PCBP2: variants seen among roughly 807,000 people sequenced by gnomAD.
PCBP2 encodes the protein poly(rC)-binding protein 2.
PCBP2 carries 4 observed loss-of-function variants against 50.1 expected under a neutral mutation model. The ratio of observed to expected loss-of-function variants is 0.08; its 90% CI spans 0.04 to 0.18. PCBP2 has a LOEUF of 0.18. Among genes scored for constraint, PCBP2 ranks in the 10% least tolerant of loss-of-function variants. The pLI is 1.00. For missense variants in PCBP2, 161 were observed against 474.3 expected, an observed-to-expected ratio of 0.34 and a Z score of 6.14; for synonymous variants, 179 against 168.0, an observed-to-expected ratio of 1.07 and a Z score of -0.51.
In PCBP2 at chr12:53,480,177, TG is replaced by T. The variant is rs1942962656; in HGVS notation, c.*738del. 6.6e-6 allele frequency: 1 copy of T among 152,232 alleles called. No individual in the cohort carries two copies. Among genetic ancestry groups the T allele is most frequent in the Non-Finnish European group, 1.5e-5 (1 of 68,026 alleles). The allele number at this position is 152,232 out of a possible 1,614,324, so 9.4% of individuals were successfully genotyped here. A position where few individuals can be genotyped will look rare whatever the true frequency, so the allele number is the denominator to read the frequency against. ...TTAAGCAGTTGATCATATGTCTGACTGGGTTCCAGTTTCTTGGGAATGTTGG... is the reference window on the plus strand; with the variant it reads ...TTAAGCAGTTGATCATATGTCTGACTGGTTCCAGTTTCTTGGGAATGTTGG... On this transcript the variant is annotated 3_prime_UTR_variant, in exon 15 of 15. Coordinates refer to ENST00000546463, the MANE Select transcript of PCBP2 (RefSeq NM_031989.5).
intron 1 of PCBP2, among the ~76,000 whole-genome samples, 178 bp downstream of exon 1, chr12:53,452,554 C>T (rs1455260413): frequency 2.0e-5 from 3 of 151,462 alleles, no homozygotes; most frequent in African/African-American, 7.3e-5. Flanking sequence ...CTGGCGCGGC[C>T]TAGTAGGCCT....
At chr12:53,470,401 A>AGAGTGT in intron 13 of PCBP2, among the ~76,000 whole-genome samples, 1 of 104,854 alleles carries the variant, frequency 9.5e-6, no homozygotes, top group South Asian at 3.6e-4. Context: ...AAAAAAAAAA[A>AGAGTGT]AGTGTAGTGG....
chr12:53,465,994 T>C (rs747172537), intron 10 of PCBP2, 21 bp downstream of exon 10: 1 of 1,612,282 alleles, frequency 6.2e-7, no homozygotes, highest in South Asian at 1.1e-5. Context: ...TTTTCACTTC[T>C]TGTTTTGAAA....
At chr12:53,462,668 C>A in intron 8 of PCBP2, 101 bp downstream of exon 8, 2 of 851,764 alleles carry the variant, frequency 2.3e-6, no homozygotes, top group Non-Finnish European at 3.7e-6. Context: ...CTTGCTGAAA[C>A]CTATACTCTG....
chr12:53,459,540 A>AATC, intron 6 of PCBP2, 137 bp downstream of exon 6: 1 of 605,712 alleles, frequency 1.7e-6, no homozygotes, highest in Non-Finnish European at 2.7e-6. Context: ...ATGTGATTGT[A>AATC]CTGAAAATAA....
chr12:53,470,334 G>A (rs1200433601), intron 13 of PCBP2, among the ~76,000 whole-genome samples: 1 of 130,518 alleles, frequency 7.7e-6, no homozygotes, highest in Non-Finnish European at 1.5e-5. Flanking sequence ...CCAAGATCGT[G>A]CCACTGCACT....
chr12:53,454,949 C>A (rs569361640), intron 2 of PCBP2, 80 bp downstream of exon 2: 1 of 1,179,262 alleles, frequency 8.5e-7, no homozygotes, highest in East Asian at 2.3e-5. Context: ...TCTTGGAGCT[C>A]ATCAGATTAG....
chr12:53,460,802 C>T (rs1384020842), intron 6 of PCBP2: 1 of 456,930 alleles, frequency 2.2e-6, no homozygotes, highest in African/African-American at 2.0e-5. Flanking sequence ...GTTATTCACG[C>T]TTATTCTTGT....
intron 6 of PCBP2, 136 bp from the exon 7 acceptor site, chr12:53,460,879 T>A (rs1022925580): frequency 5.6e-6 from 5 of 890,198 alleles, no homozygotes; most frequent in African/African-American, 5.0e-5. Flanking sequence ...AAGGGAAGAG[T>A]GGGACAAAGA....
At chr12:53,465,419 G>GCTA (rs1334476357) in intron 9 of PCBP2, among the ~76,000 whole-genome samples, 2 of 152,164 alleles carry the variant, frequency 1.3e-5, no homozygotes, top group African/African-American at 4.8e-5. Flanking sequence ...TAGGGACTCA[G>GCTA]CTAGCATCCA....
intron 11 of PCBP2, 95 bp from the exon 12 acceptor site, chr12:53,467,710 T>G: frequency 1.0e-6 from 1 of 976,400 alleles, no homozygotes; most frequent in Non-Finnish European, 1.6e-6. Context: ...TGTTTTTATT[T>G]TGTTTCGTTT....
chr12:53,479,045 A>C (rs1942866946), intron 14 of PCBP2, among the ~76,000 whole-genome samples: 1 of 152,078 alleles, frequency 6.6e-6, no homozygotes, highest in Non-Finnish European at 1.5e-5. Flanking sequence ...GGAGGAGCCA[A>C]AGTGAGCTCA....
intron 10 of PCBP2, among the ~76,000 whole-genome samples, chr12:53,466,555 T>C (rs1167000610): frequency 6.6e-6 from 1 of 152,228 alleles, no homozygotes; most frequent in Non-Finnish European, 1.5e-5. Flanking sequence ...ACTTTTCTTT[T>C]ATCCTTACTA....
chr12:53,468,939 A>G (rs1308335864), intron 13 of PCBP2, 107 bp downstream of exon 13: 2 of 790,200 alleles, frequency 2.5e-6, no homozygotes, highest in Non-Finnish European at 4.1e-6. Context: ...TTTTTTTTAA[A>G]CAGCCCAGGC....
chr12:53,460,851 A>G (rs942728132), intron 6 of PCBP2, 164 bp from the exon 7 acceptor site: 1 of 658,802 alleles, frequency 1.5e-6, no homozygotes, highest in Non-Finnish European at 2.5e-6. Context: ...TAATTCACTA[A>G]ACAGTCCTAT....
intron 9 of PCBP2, 44 bp downstream of exon 9, chr12:53,464,896 G>T: frequency 6.4e-7 from 1 of 1,551,638 alleles, no homozygotes; most frequent in Non-Finnish European, 8.7e-7. Flanking sequence ...CAATCCTTCC[G>T]CCTCAGCCGA....
rs1448745686 is a variant in PCBP2, at chr12:53,480,454, TG to T, written c.*1014del. The T allele has an allele frequency of 7.2e-5, 11 of 152,594 alleles. No homozygotes were observed. Among genetic ancestry groups the T allele is most frequent in the Admixed American group, 7.2e-4 (11 of 15,268 alleles). The allele number at this position is 152,594 out of a possible 1,614,324, so 9.5% of individuals were successfully genotyped here. A position where few individuals can be genotyped will look rare whatever the true frequency, so the allele number is the denominator to read the frequency against. ...CCCAAGGCTTTATCTTAACCATGTA[TG>T]GTACCCCATTCATTCATCAAGAAAA... On this transcript the variant is annotated 3_prime_UTR_variant, in exon 15 of 15. Coordinates refer to ENST00000546463, the MANE Select transcript of PCBP2 (RefSeq NM_031989.5).
chr12:53,477,587 A>G (rs906564161), intron 14 of PCBP2, among the ~76,000 whole-genome samples: 4 of 141,536 alleles, frequency 2.8e-5, no homozygotes, highest in African/African-American at 1.0e-4. Context: ...AATGGCGTGA[A>G]CCTGGGAGGC....
At chr12:53,459,900 G>T in intron 6 of PCBP2, 1 of 453,522 alleles carries the variant, frequency 2.2e-6, no homozygotes, top group South Asian at 1.6e-5. Flanking sequence ...AGCCGGGACT[G>T]CAGGCTCCCA....
Sources: gnomAD v4.1 joint callset for allele counts (sites outside exome capture counted in the v4.1 genomes callset) on GRCh38, gnomAD v4.1.1 for gene constraint, MANE v1.5 for transcripts, NCBI Gene and HGNC (gene_info 2026-07-23, HGNC 2026-07-21) for gene names.